The following TTC29 variants were observed in gnomAD, a reference collection of about 807,000 sequenced individuals.
TTC29 encodes tetratricopeptide repeat protein 29.
In TTC29, 49 loss-of-function variants were observed where a neutral mutation model predicts 58.1. That is an observed-to-expected ratio of 0.84 (90% CI 0.67 to 1.07). TTC29 has a LOEUF of 1.07. Ranked by LOEUF, TTC29 falls within the 50% of genes least tolerant of loss-of-function variation. The pLI is 0.00. For missense variants in TTC29, 582 were observed against 555.6 expected (o/e 1.05, Z -0.48); for synonymous variants, 209 against 196.8 (o/e 1.06, Z -0.52).
At chr4:146,943,367 TG>T (rs1334547837) in intron 2 of TTC29, among the ~76,000 whole-genome samples, 1 of 151,712 alleles carries the variant, frequency 6.6e-6, no homozygotes, top group African/African-American at 2.4e-5. Context: ...AAACTCTGAA[TG>T]GGGGGTGGTC....
chr4:146,793,102 T>G (rs774047727), intron 11 of TTC29, among the ~76,000 whole-genome samples: 19 of 152,210 alleles, frequency 1.2e-4, no homozygotes, highest in Non-Finnish European at 2.6e-4. Flanking sequence ...GTGAAGATAC[T>G]GTGAACATTG....
intron 4 of TTC29, among the ~76,000 whole-genome samples, chr4:146,911,721 C>T (rs1227449820): frequency 6.6e-6 from 1 of 152,154 alleles, no homozygotes. Flanking sequence ...GGTCTACTTT[C>T]AAGACAGGAA....
chr4:146,708,036 T>C (rs1742113103), intron 11 of TTC29, among the ~76,000 whole-genome samples: 1 of 151,888 alleles, frequency 6.6e-6, no homozygotes, highest in Non-Finnish European at 1.5e-5. Context: ...CTTCCAGCCA[T>C]CTTGGCCAAG....
intron 11 of TTC29, among the ~76,000 whole-genome samples, chr4:146,710,216 T>C (rs1221522128): frequency 6.6e-6 from 1 of 152,126 alleles, no homozygotes; most frequent in Non-Finnish European, 1.5e-5. Flanking sequence ...GCCTACCACA[T>C]AGCTAGGCTA....
intron 9 of TTC29, among the ~76,000 whole-genome samples, chr4:146,831,964 G>C (rs1374644915): frequency 6.6e-6 from 1 of 152,010 alleles, no homozygotes; most frequent in Admixed American, 6.6e-5. Context: ...GTCTTGCTAT[G>C]TTGCCCAGGT....
chr4:146,749,935 A>G (rs1372176015), intron 11 of TTC29, among the ~76,000 whole-genome samples: 1 of 152,202 alleles, frequency 6.6e-6, no homozygotes, highest in Non-Finnish European at 1.5e-5. Flanking sequence ...ATACTGTACC[A>G]CTTATGAAGC....
At chr4:146,750,207 C>T (rs542733831) in intron 11 of TTC29, among the ~76,000 whole-genome samples, 8 of 152,188 alleles carry the variant, frequency 5.3e-5, no homozygotes, top group African/African-American at 1.2e-4. Flanking sequence ...CGGGGTTTCG[C>T]GGTGTTAGCC....
At chr4:146,909,272 T>G in intron 4 of TTC29, 23 bp from the exon 5 acceptor site, 1 of 1,545,686 alleles carries the variant, frequency 6.5e-7, no homozygotes, top group Non-Finnish European at 8.9e-7. Context: ...ATCAGAACAC[T>G]CTCAGGTTTA....
chr4:146,937,822 G>A (rs1735981998), intron 3 of TTC29, 145 bp from the exon 4 acceptor site: 1 of 464,014 alleles, frequency 2.2e-6, no homozygotes, highest in Non-Finnish European at 3.8e-6. Context: ...TTAGGTCGTT[G>A]GTTGATCATT....
chr4:146,710,853 C>T (rs903035333), intron 11 of TTC29, among the ~76,000 whole-genome samples: 8 of 152,026 alleles, frequency 5.3e-5, no homozygotes, highest in Admixed American at 1.3e-4. Flanking sequence ...TTAGCCTATA[C>T]GTTACAAAAG....
chr4:146,861,441 A>G (rs1222393789), intron 8 of TTC29, among the ~76,000 whole-genome samples: 2 of 152,158 alleles, frequency 1.3e-5, no homozygotes, highest in African/African-American at 4.8e-5. Context: ...CAGGGTCTCT[A>G]TGACCCCTTG....
Position 146,768,184 on chromosome 4 carries a change from A to G in TTC29, c.1330+35273T>C, listed in dbSNP as rs569036565. Among the ~76,000 whole-genome samples, 20 of 152,184 alleles carry G rather than the reference A, an allele frequency of 1.3e-4. No homozygotes were observed. In the South Asian group the frequency reaches 3.9e-3, roughly 30 times the overall value. On this transcript the variant is annotated intron_variant, in intron 11 of 12. Transcript: ENST00000325106. The stretch of plus-strand genomic sequence containing the variant: ...GAGTATTAAGTTTGAAGATTCAAAT[A>G]GGAGAGTGTAGCCATCATTTTCTCT...
chr4:146,757,777 C>A (rs1746563816), intron 11 of TTC29, among the ~76,000 whole-genome samples: 1 of 152,020 alleles, frequency 6.6e-6, no homozygotes, highest in African/African-American at 2.4e-5. Context: ...TGAGAGAATT[C>A]ATCATTACCA....
chr4:146,824,144 T>C (rs954547190), intron 9 of TTC29, among the ~76,000 whole-genome samples: 4 of 152,198 alleles, frequency 2.6e-5, no homozygotes, highest in African/African-American at 4.8e-5. Context: ...CTATGTTGAA[T>C]AGAAGTGGTG....
chr4:146,937,148 A>C (rs1735899348), intron 4 of TTC29, among the ~76,000 whole-genome samples: 1 of 152,056 alleles, frequency 6.6e-6, no homozygotes, highest in Admixed American at 6.6e-5. Flanking sequence ...AAAATTAACC[A>C]ATAAAGTATG....
chr4:146,853,678 G>A (rs183053189), intron 8 of TTC29, among the ~76,000 whole-genome samples: 104 of 152,170 alleles, frequency 6.8e-4, no homozygotes, highest in African/African-American at 2.4e-3. Context: ...ATTCCAAAAT[G>A]AGCAACTCTT....
At chr4:146,875,153 C>G (rs191142215) in intron 6 of TTC29, among the ~76,000 whole-genome samples, 97 of 152,172 alleles carry the variant, frequency 6.4e-4, no homozygotes, top group African/African-American at 2.1e-3. Context: ...TGTACTCTGG[C>G]TAGTAGAAAT....
intron 5 of TTC29, 138 bp from the exon 6 acceptor site, chr4:146,903,867 G>T (rs1315626065): frequency 1.2e-5 from 6 of 509,372 alleles, no homozygotes; most frequent in Non-Finnish European, 1.9e-5. Context: ...GGGTCTAAAA[G>T]CAAAAATTAA....
At chr4:146,708,498 T>C (rs1344965504) in intron 11 of TTC29, among the ~76,000 whole-genome samples, 1 of 150,682 alleles carries the variant, frequency 6.6e-6, no homozygotes, top group African/African-American at 2.4e-5. Flanking sequence ...TGTGTATATA[T>C]GACTTCATTT....
Sources: gnomAD v4.1 joint callset for allele counts (sites outside exome capture counted in the v4.1 genomes callset) on GRCh38, gnomAD v4.1.1 for gene constraint, MANE v1.5 for transcripts, NCBI Gene and HGNC (gene_info 2026-07-23, HGNC 2026-07-21) for gene names.